TFCP2L1: variants seen among roughly 807,000 people sequenced by gnomAD.
The protein encoded by TFCP2L1 is transcription factor CP2 like 1.
Under a neutral mutation model 72.2 loss-of-function variants are expected in TFCP2L1, and 12 were observed. That is an observed-to-expected ratio of 0.17 (90% confidence interval 0.11 to 0.27). The LOEUF is 0.27. Ranked by LOEUF, TFCP2L1 falls within the 10% of genes least tolerant of loss-of-function variation. TFCP2L1 has a pLI of 1.00. For synonymous variants in TFCP2L1, 260 were observed against 251.0 expected, an observed-to-expected ratio of 1.04 and a Z score of -0.34; for missense variants, 488 against 624.6, an observed-to-expected ratio of 0.78 and a Z score of 2.33.
rs1339786514 is a variant in TFCP2L1, at chr2:121,223,152, T to TC, written c.*1188dup. On this transcript the variant is annotated 3_prime_UTR_variant, in exon 15 of 15. Transcript: ENST00000263707. Reference sequence around the variant, plus strand: ...CATCCCATTCAGGTGGTCAGAGGGTTCCCCATGAACCTAAATTAACCAAGA... The same window carrying TC: ...CATCCCATTCAGGTGGTCAGAGGGTTCCCCCATGAACCTAAATTAACCAAGA... The TC allele has an allele frequency of 2.6e-5, 4 of 152,100 alleles. No individual in the cohort carries two copies. Among genetic ancestry groups the TC allele is most frequent in the Admixed American group, 6.5e-5 (1 of 15,270 alleles). 9.4% of individuals were successfully genotyped at this position (152,100 alleles called of 1,614,324 possible).
intron 2 of TFCP2L1, among the ~76,000 whole-genome samples, chr2:121,255,207 T>C (rs939703875): frequency 6.6e-6 from 1 of 152,222 alleles, no homozygotes; most frequent in African/African-American, 2.4e-5. Context: ...TCTGCTTCCA[T>C]TCTGCACACA....
intron 2 of TFCP2L1, among the ~76,000 whole-genome samples, chr2:121,265,569 C>T (rs1311014216): frequency 2.6e-5 from 4 of 151,746 alleles, no homozygotes; most frequent in African/African-American, 4.8e-5. Context: ...TCACAACCTC[C>T]ACCTCCCAGG....
intron 2 of TFCP2L1, among the ~76,000 whole-genome samples, chr2:121,258,046 T>C (rs1260838274): frequency 6.6e-6 from 1 of 152,114 alleles, no homozygotes; most frequent in Non-Finnish European, 1.5e-5. Flanking sequence ...TTAAATTCTT[T>C]ACAGCAAATA....
At chr2:121,268,968 T>C (rs867356455) in intron 2 of TFCP2L1, among the ~76,000 whole-genome samples, 32 of 151,850 alleles carry the variant, frequency 2.1e-4, no homozygotes, top group African/African-American at 7.3e-4. Context: ...GGAGCCCTAA[T>C]GTATTCCTTA....
intron 2 of TFCP2L1, among the ~76,000 whole-genome samples, chr2:121,260,674 C>T (rs909640184): frequency 6.6e-6 from 1 of 152,198 alleles, no homozygotes; most frequent in African/African-American, 2.4e-5. Flanking sequence ...CACTGTCTTC[C>T]AGGATCTGCT....
intron 7 of TFCP2L1, among the ~76,000 whole-genome samples, chr2:121,241,056 T>C (rs2104687449): frequency 6.6e-6 from 1 of 152,308 alleles, no homozygotes; most frequent in East Asian, 1.9e-4. Flanking sequence ...GCAGGGGCCT[T>C]ACCACATGGA....
Position 121,218,468 on chromosome 2 carries a change from ATGT to A in TFCP2L1, c.*5870_*5872del, listed in dbSNP as rs1387456870. ...CAGGATGAGGGGTGCGGAGCTGAGG[ATGT>A]TGTTCTCTTTGATGAAGGCCTGAAA... On this transcript the variant is annotated 3_prime_UTR_variant, in exon 15 of 15. Transcript: ENST00000263707. 6.6e-6 allele frequency: 1 copy of A among 152,340 alleles called. No homozygotes were observed. The highest frequency in any genetic ancestry group is 1.5e-5 in the Non-Finnish European group (1 of 68,208). 9.4% of individuals were successfully genotyped at this position (152,340 alleles called of 1,614,324 possible).
At chr2:121,224,521 C>A in intron 14 of TFCP2L1, 134 bp from the exon 15 acceptor site, 2 of 804,598 alleles carry the variant, frequency 2.5e-6, no homozygotes, top group East Asian at 2.7e-5. Context: ...GCAAAGCGTG[C>A]TGGCAGAAGC....
intron 5 of TFCP2L1, 80 bp downstream of exon 5, chr2:121,248,084 T>C: frequency 5.0e-6 from 6 of 1,193,120 alleles, no homozygotes; most frequent in Non-Finnish European, 7.2e-6. Context: ...CCCTCCCAGA[T>C]GGGTTAGTTT....
chr2:121,277,648 G>A (rs1687173169), intron 2 of TFCP2L1, among the ~76,000 whole-genome samples: 1 of 152,102 alleles, frequency 6.6e-6, no homozygotes, highest in African/African-American at 2.4e-5. Flanking sequence ...AAACTAAGTG[G>A]CCATAATATG....
At chr2:121,249,834 G>A (rs533902797) in intron 2 of TFCP2L1, among the ~76,000 whole-genome samples, 187 bp from the exon 3 acceptor site, 7 of 152,326 alleles carry the variant, frequency 4.6e-5, no homozygotes, top group South Asian at 4.1e-4. Flanking sequence ...TGTCCACCCC[G>A]CCAGGTCGGG....
intron 2 of TFCP2L1, among the ~76,000 whole-genome samples, chr2:121,280,194 A>AG (rs1558748476): frequency 6.7e-6 from 1 of 150,286 alleles, no homozygotes; most frequent in Non-Finnish European, 1.5e-5. Context: ...TGAGGTTCAG[A>AG]GAAAAAAAAA....
intron 2 of TFCP2L1, among the ~76,000 whole-genome samples, chr2:121,279,018 T>C (rs1456263375): frequency 5.6e-5 from 8 of 141,762 alleles, no homozygotes; most frequent in Admixed American, 1.4e-4. Context: ...AAAAAAGGAG[T>C]TGGAAGGGGT....
At chr2:121,251,131 T>C (rs1016028641) in intron 2 of TFCP2L1, among the ~76,000 whole-genome samples, 3 of 151,672 alleles carry the variant, frequency 2.0e-5, no homozygotes, top group Admixed American at 6.6e-5. Context: ...TGGTATGTGA[T>C]TGTCATCCCA....
Position 121,224,127 on chromosome 2 carries a change from G to C in TFCP2L1, c.*214C>G. On this transcript the variant is annotated 3_prime_UTR_variant, in exon 15 of 15. Coordinates refer to ENST00000263707, the MANE Select transcript of TFCP2L1 (RefSeq NM_014553.3). ...GAACCATTCAAAATCTGGAGGCCAA[G>C]AGGAAGGGAGAAAGGAGCCACTGGC... 1 of 595,828 alleles carries C rather than the reference G, an allele frequency of 1.7e-6. No individual in the cohort carries two copies. The highest frequency in any genetic ancestry group is 2.1e-5 in the South Asian group (1 of 48,474). The allele number at this position is 595,828 out of a possible 1,614,324, so 36.9% of individuals were successfully genotyped here.
At position 121,217,284 on chromosome 2, in the gene TFCP2L1, C is replaced by A. The variant is rs1397006756; in HGVS notation, c.*7057G>T. The stretch of plus-strand genomic sequence containing the variant: ...CAAATGCGCAGAACACAAAGCCTAG[C>A]CTGTTAGCCCCAGCTGCTATCACTA... On this transcript the variant is annotated 3_prime_UTR_variant, in exon 15 of 15. Transcript: ENST00000263707. 6.6e-6 allele frequency: 1 copy of A among 152,322 alleles called. No individual in the cohort carries two copies. Among genetic ancestry groups the A allele is most frequent in the African/African-American group, 2.4e-5 (1 of 41,470 alleles). 9.4% of individuals were successfully genotyped at this position (152,322 alleles called of 1,614,324 possible).
intron 6 of TFCP2L1, among the ~76,000 whole-genome samples, chr2:121,246,363 G>GA (rs1432043086): frequency 1.3e-5 from 2 of 152,208 alleles, no homozygotes; most frequent in African/African-American, 2.4e-5. Flanking sequence ...ATTGCAAAGA[G>GA]AAAAATGGCT....
chr2:121,263,732 A>T (rs1180916613), intron 2 of TFCP2L1, among the ~76,000 whole-genome samples: 1 of 152,158 alleles, frequency 6.6e-6, no homozygotes, highest in African/African-American at 2.4e-5. Flanking sequence ...CACATATATC[A>T]CTGCCATTTG....
intron 2 of TFCP2L1, among the ~76,000 whole-genome samples, chr2:121,271,693 A>G (rs903176075): frequency 2.6e-5 from 4 of 152,246 alleles, no homozygotes; most frequent in Admixed American, 2.0e-4. Flanking sequence ...TTTGTTGTTC[A>G]CGTAACCCAC....
Sources: allele counts gnomAD v4.1 joint callset (sites outside exome capture counted in the v4.1 genomes callset), GRCh38; gene constraint gnomAD v4.1.1; transcripts MANE v1.5; gene names NCBI Gene and HGNC (gene_info 2026-07-23, HGNC 2026-07-21).